The following GLB1L3 variants were observed in gnomAD, a reference collection of about 807,000 sequenced individuals.
GLB1L3 encodes galactosidase beta 1 like 3.
GLB1L3 carries 89 observed loss-of-function variants against 89.5 expected under a neutral mutation model. The ratio of observed to expected loss-of-function variants is 0.99; its 90% CI spans 0.84 to 1.19. The LOEUF (loss-of-function observed/expected upper bound fraction) is 1.19, where lower values mean the gene tolerates loss of function less well. Among genes scored for constraint, GLB1L3 ranks in the 50% most tolerant of loss-of-function variants. The pLI, the probability that GLB1L3 is intolerant of heterozygous loss-of-function variation, is 0.00. For missense variants in GLB1L3, 812 were observed against 813.3 expected (o/e 1.00, Z 0.02); for synonymous variants, 314 against 312.3 (o/e 1.01, Z -0.06).
At chr11:134,283,883 C>T (rs373353527) in intron 6 of GLB1L3, 38 bp downstream of exon 6, 2 of 1,205,116 alleles carry the variant, frequency 1.7e-6, no homozygotes, top group Non-Finnish European at 2.4e-6. Flanking sequence ...TCTTACGTGC[C>T]CTTTAGGGAA....
chr11:134,310,238 G>GT lies in GLB1L3; in HGVS notation c.1100-329dup, dbSNP rs1249393869. 3.5e-5 allele frequency: 13 copies of GT among 373,884 alleles called. No homozygotes were observed. In the East Asian group the frequency reaches 3.7e-4, roughly 11 times the overall value. 23.2% of individuals were successfully genotyped at this position (373,884 alleles called of 1,614,324 possible). A position where few individuals can be genotyped will look rare whatever the true frequency, so the allele number is the denominator to read the frequency against. ...TGAGCTTAAAAAAAAAACACAAAATGTTTTAAGAAAGTTTATGAATTTGTG... is the reference window on the plus strand; with the variant it reads ...TGAGCTTAAAAAAAAAACACAAAATGTTTTTAAGAAAGTTTATGAATTTGTG... On this transcript the variant is annotated intron_variant, in intron 11 of 19. Transcript: ENST00000431683.
chr11:134,323,104 G>A (rs1478581787), downstream of GLB1L3, among the ~76,000 whole-genome samples: 1 of 152,140 alleles, frequency 6.6e-6, no homozygotes, highest in African/African-American at 2.4e-5. Flanking sequence ...TTTGATTACA[G>A]CCATCCTAGT....
rs911960109 is a variant in GLB1L3, at chr11:134,318,633, C to T, written c.1782C>T (p.Asn594=). The T allele has an allele frequency of 2.5e-6, 4 of 1,592,802 alleles. No individual in the cohort carries two copies. Among genetic ancestry groups the T allele is most frequent in the South Asian group, 1.1e-5 (1 of 89,610 alleles). Residue 594 remains asparagine, a splice_region_variant and synonymous_variant, in exon 19 of 20, where the codon AAC becomes AAT. Coordinates refer to ENST00000431683, the MANE Select transcript of GLB1L3 (RefSeq NM_001080407.3). ...SPKDTFLSLL[N]WNYGFVFING... is the part of the protein sequence containing the mutation. ...TCTCAAGCCACCATTCCTTTCAGAA[C>T]TGGAATTATGGATTTGTGTTCATCA...
chr11:134,319,027 T>C lies in GLB1L3; in HGVS notation c.*85T>C. On this transcript the variant is annotated 3_prime_UTR_variant, in exon 20 of 20. Transcript: ENST00000431683. Reference sequence around the variant, plus strand: ...TGGAGTGCAGTGGCACAATCTCTGCTCACTGCAAGCTCAGCCTCTCGGGTT... The same window carrying C: ...TGGAGTGCAGTGGCACAATCTCTGCCCACTGCAAGCTCAGCCTCTCGGGTT... 1.1e-6 allele frequency: 1 copy of C among 942,050 alleles called. No homozygotes were observed. Among genetic ancestry groups the C allele is most frequent in the Non-Finnish European group, 1.7e-6 (1 of 588,436 alleles). 58.4% of individuals were successfully genotyped at this position (942,050 alleles called of 1,614,324 possible). A position where few individuals can be genotyped will look rare whatever the true frequency, so the allele number is the denominator to read the frequency against.
upstream of GLB1L3, chr11:134,275,815 C>G (rs1459978385): frequency 6.6e-6 from 1 of 152,278 alleles, no homozygotes; most frequent in Non-Finnish European, 1.5e-5. Flanking sequence ...ACCTCTTGCG[C>G]TCAGTTCTCC....
rs1942815021 is a variant in GLB1L3 at position 134,312,931 on chromosome 11, A to G, written c.1500+44A>G. ...CAGGTGATGCCCTCGACCCCCCTCA[A>G]ATGCAGACGGAGCCTGGTCCTGAGA... is the stretch of plus-strand genomic sequence containing the variant. On this transcript the variant is annotated intron_variant, in intron 15 of 19. Coordinates refer to ENST00000431683, the MANE Select transcript of GLB1L3 (RefSeq NM_001080407.3). The G allele has an allele frequency of 6.2e-6, 8 of 1,289,424 alleles. No homozygotes were observed. The South Asian group carries it at 6.2e-5, about 10-fold the overall frequency. The allele number at this position is 1,289,424 out of a possible 1,614,324, so 79.9% of individuals were successfully genotyped here. A position where few individuals can be genotyped will look rare whatever the true frequency, so the allele number is the denominator to read the frequency against.
chr11:134,292,774 G>A, intron 8 of GLB1L3: 3 of 366,018 alleles, frequency 8.2e-6, no homozygotes, highest in South Asian at 2.9e-5. Flanking sequence ...TGCTGCCGGC[G>A]GCTGCCGTTC....
chr11:134,289,013 A>G, intron 7 of GLB1L3, 123 bp downstream of exon 7: 1 of 667,164 alleles, frequency 1.5e-6, no homozygotes, highest in Non-Finnish European at 2.4e-6. Context: ...TGGCCTGTGA[A>G]CACGAGGTGC....
In GLB1L3 at chr11:134,319,396, G is replaced by A. The variant is rs1943121032; in HGVS notation, c.*454G>A. 1 of 158,414 alleles carries A rather than the reference G, an allele frequency of 6.3e-6. No homozygotes were observed. Among genetic ancestry groups the A allele is most frequent in the African/African-American group, 2.4e-5 (1 of 41,490 alleles). 9.8% of individuals were successfully genotyped at this position (158,414 alleles called of 1,614,324 possible). On this transcript the variant is annotated 3_prime_UTR_variant, in exon 20 of 20. Transcript: ENST00000431683. ...ACAACAACAAAACAGCAGAGGAATT[G>A]TTATGTATTTTGTAGTCTATCTATA...
chr11:134,279,201 G>A (rs940228564), intron 3 of GLB1L3, among the ~76,000 whole-genome samples: 10 of 152,114 alleles, frequency 6.6e-5, no homozygotes, highest in African/African-American at 1.9e-4. Flanking sequence ...AGATTCACCT[G>A]TAAACTCTGT....
rs901368611 is a variant in GLB1L3 at position 134,310,721 on chromosome 11, G to A, written c.1180+70G>A. 5.1e-6 allele frequency: 6 copies of A among 1,179,410 alleles called. No individual in the cohort carries two copies. The African/African-American group carries it at 6.0e-5, about 12-fold the overall frequency. 73.1% of individuals were successfully genotyped at this position (1,179,410 alleles called of 1,614,324 possible). A position where few individuals can be genotyped will look rare whatever the true frequency, so the allele number is the denominator to read the frequency against. On this transcript the variant is annotated intron_variant, in intron 12 of 19. Transcript: ENST00000431683. ...GAGTCTCTGTTCTGTGGAAAAGTGA[G>A]GAAGGCGTGGGTCTCCCTTGTGGGC...
chr11:134,290,839 C>T (rs1941318365), intron 7 of GLB1L3, among the ~76,000 whole-genome samples: 1 of 152,084 alleles, frequency 6.6e-6, no homozygotes, highest in Non-Finnish European at 1.5e-5. Context: ...GCAGCCTCTC[C>T]CCTTCCAGCA....
chr11:134,283,871 T>C, intron 6 of GLB1L3, 26 bp downstream of exon 6: 1 of 1,319,354 alleles, frequency 7.6e-7, no homozygotes, highest in East Asian at 2.3e-5. Context: ...CCCCTGCATC[T>C]TTCTTACGTG....
At chr11:134,289,043 G>T (rs999543747) in intron 7 of GLB1L3, 153 bp downstream of exon 7, 4 of 553,044 alleles carry the variant, frequency 7.2e-6, no homozygotes, top group Admixed American at 3.5e-5. Context: ...CCGGCCCACT[G>T]CATAGCTGAA....
At position 134,316,311 on chromosome 11, in the gene GLB1L3, A is replaced by G. The variant is rs149953146; in HGVS notation, c.1779+1870A>G. ...AGAATTCAGAATGTACATAATTATA[A>G]GCCATATTTCATATCAGTGCATTAT... On this transcript the variant is annotated intron_variant, in intron 18 of 19. Transcript: ENST00000431683. Among the ~76,000 whole-genome samples the G allele has an allele frequency of 6.7e-3, 1,013 of 152,226 alleles. 17 individuals are homozygous for G. The highest frequency in any genetic ancestry group is 0.023 in the African/African-American group (949 of 41,550).
chr11:134,304,456 G>A (rs1179795001), intron 9 of GLB1L3, among the ~76,000 whole-genome samples: 2 of 152,076 alleles, frequency 1.3e-5, no homozygotes, highest in Admixed American at 6.6e-5. Flanking sequence ...CACAAGTTAT[G>A]TGTAATGCAA....
intron 9 of GLB1L3, among the ~76,000 whole-genome samples, chr11:134,303,002 A>G (rs762461013): frequency 8.5e-5 from 13 of 152,188 alleles, no homozygotes; most frequent in Non-Finnish European, 1.5e-4. Flanking sequence ...CAAGTTTATC[A>G]AAGTTTGCTT....
chr11:134,296,807 A>T (rs1333034832), intron 9 of GLB1L3, among the ~76,000 whole-genome samples: 4 of 150,170 alleles, frequency 2.7e-5, no homozygotes, highest in Non-Finnish European at 5.9e-5. Flanking sequence ...TAACCTGCAC[A>T]TTGTGCACAT....
At chr11:134,311,024 T>C in intron 12 of GLB1L3, 40 bp from the exon 13 acceptor site, 1 of 1,475,174 alleles carries the variant, frequency 6.8e-7, no homozygotes, top group Non-Finnish European at 9.5e-7. Context: ...GCAGTGGTCA[T>C]CTCAGGCACT....
Sources: allele counts gnomAD v4.1 joint callset (sites outside exome capture counted in the v4.1 genomes callset), GRCh38; gene constraint gnomAD v4.1.1; transcripts MANE v1.5; gene names NCBI Gene and HGNC (gene_info 2026-07-23, HGNC 2026-07-21).